The following AGTPBP1 variants were observed in gnomAD, a reference collection of about 807,000 sequenced individuals.
AGTPBP1 encodes the protein cytosolic carboxypeptidase 1.
In AGTPBP1, 70 loss-of-function variants were observed where a neutral mutation model predicts 143.9. The ratio of observed to expected loss-of-function variants is 0.49; its 90% confidence interval spans 0.40 to 0.59. AGTPBP1 has a LOEUF of 0.59. AGTPBP1 is among the 20% of genes least tolerant of loss of function. The pLI is 0.00. For missense variants in AGTPBP1, 1,229 were observed against 1,464.5 expected (o/e 0.84, Z 2.62); for synonymous variants, 463 against 500.2 (o/e 0.93, Z 0.99).
intron 1 of AGTPBP1, among the ~76,000 whole-genome samples, chr9:85,721,748 G>GC: frequency 6.6e-6 from 1 of 152,150 alleles, no homozygotes; most frequent in Non-Finnish European, 1.5e-5. Context: ...GTTAATTGAT[G>GC]CAGTTTCTTC....
chr9:85,672,072 C>CA (rs1554722040), intron 7 of AGTPBP1, among the ~76,000 whole-genome samples: 1 of 145,220 alleles, frequency 6.9e-6, no homozygotes, highest in Admixed American at 6.9e-5. Context: ...CCAACTTAAC[C>CA]TTTTTTTTTT....
At chr9:85,574,097 T>C (rs934532624) in intron 25 of AGTPBP1, among the ~76,000 whole-genome samples, 3 of 152,162 alleles carry the variant, frequency 2.0e-5, no homozygotes, top group South Asian at 2.1e-4. Flanking sequence ...GAAGTAGACA[T>C]GGGAGACTTT....
chr9:85,740,506 CAT>C (rs904102273), intron 1 of AGTPBP1, among the ~76,000 whole-genome samples: 12 of 152,222 alleles, frequency 7.9e-5, no homozygotes, highest in African/African-American at 2.4e-4. Flanking sequence ...ACATTTGGCA[CAT>C]GTTTTAAAAT....
At chr9:85,609,472 G>A (rs188939759) in intron 17 of AGTPBP1, among the ~76,000 whole-genome samples, 123 of 152,042 alleles carry the variant, frequency 8.1e-4, no homozygotes, top group African/African-American at 2.6e-3. Context: ...TAGTAGAGAC[G>A]GGGTTTCACC....
At chr9:85,772,530 T>G in the AGTPBP1 span, among the ~76,000 whole-genome samples, 1 of 152,142 alleles carries the variant, frequency 6.6e-6, no homozygotes, top group Non-Finnish European at 1.5e-5. Flanking sequence ...GAGGATCACT[T>G]GAGTCCAGGA....
At position 85,655,148 on chromosome 9, in the gene AGTPBP1, G is replaced by A. The variant is rs978378735; in HGVS notation, c.1082C>T (p.Pro361Leu). Residue 361 changes from proline to leucine, a missense_variant, in exon 11 of 26, where the codon CCT becomes CTT. Physicochemically the swap from Pro to Leu is moderately conservative, Grantham distance 98 (BLOSUM62 -3). Around this residue, in one of 2 missense-constraint regions of AGTPBP1, gnomAD observed 743 missense variants for 812.2 expected, o/e 0.91. Coordinates refer to ENST00000357081, the MANE Select transcript of AGTPBP1 (RefSeq NM_001330701.2). ...GPVAQLYSLP[P>L]EVDDVVDESD... The stretch of plus-strand genomic sequence containing the variant: ...CAGTGACCCTGTGATCCTACCTTCA[G>A]GAGGTAAGCTGTAGAGCTGAGCCAC... The A allele has an allele frequency of 5.0e-6, 8 of 1,610,854 alleles. No individual in the cohort carries two copies. The highest frequency in any genetic ancestry group is 3.3e-4 in the Middle Eastern group (2 of 6,042).
chr9:85,559,575 C>G (rs1826569522), intron 25 of AGTPBP1, among the ~76,000 whole-genome samples: 1 of 151,622 alleles, frequency 6.6e-6, no homozygotes, highest in Non-Finnish European at 1.5e-5. Flanking sequence ...TTTCACATGA[C>G]CAGCAAAAAA....
intron 18 of AGTPBP1, among the ~76,000 whole-genome samples, chr9:85,594,270 C>T (rs1208374681): frequency 6.6e-6 from 1 of 152,212 alleles, no homozygotes; most frequent in East Asian, 1.9e-4. Flanking sequence ...CATCATAGGA[C>T]TTAGCTGACA....
intron 14 of AGTPBP1, among the ~76,000 whole-genome samples, chr9:85,630,617 C>G (rs1301010171): frequency 6.6e-6 from 1 of 152,028 alleles, no homozygotes; most frequent in Admixed American, 6.6e-5. Flanking sequence ...ATAGTTTGGA[C>G]TACAGGTGTG....
At chr9:85,591,181 CA>C (rs59204739) in intron 19 of AGTPBP1, among the ~76,000 whole-genome samples, 3,705 of 126,172 alleles carry the variant, frequency 0.029, 121 homozygotes, top group African/African-American at 0.084. Context: ...GTGGATATGG[CA>C]AAAAAAAAAA....
chr9:85,793,442 A>C, the AGTPBP1 span: 2 of 152,252 alleles, frequency 1.3e-5, no homozygotes, highest in South Asian at 4.1e-4. Flanking sequence ...CTCCTTCATA[A>C]ACATTCAGAG....
At chr9:85,739,831 T>G (rs1024671948) in intron 1 of AGTPBP1, among the ~76,000 whole-genome samples, 4 of 151,230 alleles carry the variant, frequency 2.6e-5, no homozygotes, top group African/African-American at 9.7e-5. Context: ...CTGGCCAACA[T>G]GGTGAAACCC....
chr9:85,723,628 T>A (rs1838276817), intron 1 of AGTPBP1, among the ~76,000 whole-genome samples: 1 of 152,148 alleles, frequency 6.6e-6, no homozygotes, highest in Admixed American at 6.5e-5. Context: ...GAAAGGGAAA[T>A]CCCCTGACCC....
intron 1 of AGTPBP1, among the ~76,000 whole-genome samples, chr9:85,741,058 T>C (rs980727988): frequency 1.3e-5 from 2 of 152,164 alleles, no homozygotes; most frequent in African/African-American, 2.4e-5. Flanking sequence ...AGCAAGCCTT[T>C]GGGTTACAAC....
the AGTPBP1 span, chr9:85,786,381 G>C: frequency 6.2e-7 from 1 of 1,614,042 alleles, no homozygotes; most frequent in East Asian, 2.2e-5. Context: ...AATCTCAGTC[G>C]ACTGTCATCC....
rs144743318 is a variant in AGTPBP1, at chr9:85,730,840, C to T, written c.-34+10935G>A. Among the ~76,000 whole-genome samples, 807 of 152,236 alleles carry T rather than the reference C, an allele frequency of 5.3e-3. 8 individuals carry two copies. The highest frequency in any genetic ancestry group is 0.018 in the African/African-American group (749 of 41,522). The stretch of plus-strand genomic sequence containing the variant: ...GGTAAATCTCTTATTACTCCAATCC[C>T]CTGTTACAGTCAATAATTCCTTATA... On this transcript the variant is annotated intron_variant, in intron 1 of 25. Coordinates refer to ENST00000357081, the MANE Select transcript of AGTPBP1 (RefSeq NM_001330701.2).
At chr9:85,673,172 A>T (rs754397740) in intron 6 of AGTPBP1, among the ~76,000 whole-genome samples, 62 of 152,208 alleles carry the variant, frequency 4.1e-4, no homozygotes, top group Non-Finnish European at 7.2e-4. Flanking sequence ...TATTATTTTT[A>T]AAATAAAACA....
chr9:85,595,752 C>T (rs1444036254), intron 18 of AGTPBP1, among the ~76,000 whole-genome samples: 1 of 152,126 alleles, frequency 6.6e-6, no homozygotes, highest in Non-Finnish European at 1.5e-5. Context: ...GTCTCAAACT[C>T]CTGACCTCAG....
At chr9:85,674,292 T>C (rs1180046141) in intron 6 of AGTPBP1, among the ~76,000 whole-genome samples, 1 of 151,546 alleles carries the variant, frequency 6.6e-6, no homozygotes, top group African/African-American at 2.4e-5. Context: ...TTGAATGACA[T>C]AAAAATGGGA....
Sources: gnomAD v4.1 joint callset for allele counts (sites outside exome capture counted in the v4.1 genomes callset) on GRCh38, gnomAD v4.1.1 for gene constraint, gnomAD v4.1.1 regional missense constraint, MANE v1.5 for transcripts, NCBI Gene and HGNC (gene_info 2026-07-23, HGNC 2026-07-21) for gene names.